The following FANCL variants were observed in gnomAD, a reference collection of about 807,000 sequenced individuals.
FANCL encodes the protein FA complementation group L.
In FANCL, 69 loss-of-function variants were observed where a neutral mutation model predicts 59.4. The observed-to-expected ratio is 1.16, with a 90% confidence interval of 0.96 to 1.42. The LOEUF is 1.42. Among genes scored for constraint, FANCL ranks in the 40% most tolerant of loss-of-function variants. The probability of loss-of-function intolerance (pLI) is 0.00; values close to 1 mark genes in which losing one functional copy is unlikely to be tolerated. For missense variants in FANCL, 519 were observed against 447.2 expected, an observed-to-expected ratio of 1.16 and a Z score of -1.45; for synonymous variants, 180 against 147.1, an observed-to-expected ratio of 1.22 and a Z score of -1.62.
chr2:58,193,033 G>GA (rs1689089397), intron 7 of FANCL, among the ~76,000 whole-genome samples: 1 of 151,716 alleles, frequency 6.6e-6, no homozygotes, highest in Non-Finnish European at 1.5e-5. Context: ...AAATACTTAA[G>GA]AAAAAATTCA....
At chr2:58,163,302 CAA>C (rs1490842317) in intron 9 of FANCL, 130 bp downstream of exon 9, 9 of 776,540 alleles carry the variant, frequency 1.2e-5, no homozygotes, top group Admixed American at 2.3e-5. Flanking sequence ...TACTGGGCAA[CAA>C]GAGCAAAACT....
intron 6 of FANCL, among the ~76,000 whole-genome samples, chr2:58,201,765 T>A (rs1690045220): frequency 6.6e-6 from 1 of 152,038 alleles, no homozygotes; most frequent in Non-Finnish European, 1.5e-5. Flanking sequence ...TTACTTTTAA[T>A]AAAGGACATC....
chr2:58,241,351 C>T, upstream of FANCL: 1 of 1,594,338 alleles, frequency 6.3e-7, no homozygotes, highest in Non-Finnish European at 8.6e-7. Flanking sequence ...AGCTCTAGAC[C>T]TGCTGGGTCC....
intron 5 of FANCL, among the ~76,000 whole-genome samples, chr2:58,204,604 A>ACAGTATGAGACTTTAATG (rs1690395657): frequency 6.6e-6 from 1 of 152,116 alleles, no homozygotes; most frequent in Admixed American, 6.6e-5. Flanking sequence ...GTAGTTTCAT[A>ACAGTATGAGACTTTAATG]CAGTATGAGA....
At chr2:58,184,737 T>C (rs527658440) in intron 7 of FANCL, among the ~76,000 whole-genome samples, 1 of 152,188 alleles carries the variant, frequency 6.6e-6, no homozygotes, top group Admixed American at 6.6e-5. Context: ...ATCAAGTTAA[T>C]GCAGAAGCCT....
Position 58,161,050 on chromosome 2 carries a change from G to C in FANCL, c.1020+472C>G, listed in dbSNP as rs545803153. Reference sequence around the variant, plus strand: ...TGCTGTGAGACTCAGATCACAAAAGGCATTCTTCTCAACATGAAAAGTAGT... The same window carrying C: ...TGCTGTGAGACTCAGATCACAAAAGCCATTCTTCTCAACATGAAAAGTAGT... On this transcript the variant is annotated intron_variant, in intron 12 of 13. Transcript: ENST00000233741. Among the ~76,000 whole-genome samples, 9 of 151,908 alleles carry C rather than the reference G, an allele frequency of 5.9e-5. 1 individual carries two copies. The highest frequency in any genetic ancestry group is 4.6e-4 in the Admixed American group (7 of 15,240).
At chr2:58,183,587 C>T (rs1573614039) in intron 7 of FANCL, among the ~76,000 whole-genome samples, 1 of 152,004 alleles carries the variant, frequency 6.6e-6, no homozygotes, top group Non-Finnish European at 1.5e-5. Context: ...TTATTCTAAT[C>T]TTTCACTGGT....
intron 5 of FANCL, among the ~76,000 whole-genome samples, chr2:58,216,949 T>C (rs1691782299): frequency 1.3e-5 from 2 of 151,300 alleles, no homozygotes; most frequent in African/African-American, 4.9e-5. Context: ...TGTTATTTTA[T>C]TACAGCTTTT....
chr2:58,208,062 A>G (rs1409165119), intron 5 of FANCL, among the ~76,000 whole-genome samples: 1 of 152,114 alleles, frequency 6.6e-6, no homozygotes, highest in East Asian at 1.9e-4. Context: ...ATGTCACTAA[A>G]TTTTTTTTAA....
intron 4 of FANCL, among the ~76,000 whole-genome samples, chr2:58,224,385 T>C (rs1479621557): frequency 6.6e-6 from 1 of 151,894 alleles, no homozygotes; most frequent in Non-Finnish European, 1.5e-5. Flanking sequence ...GGTTATTACA[T>C]TAAGGCCTTT....
intron 7 of FANCL, among the ~76,000 whole-genome samples, chr2:58,173,854 G>C (rs977139645): frequency 3.9e-5 from 6 of 152,096 alleles, no homozygotes; most frequent in Non-Finnish European, 8.8e-5. Context: ...ATTGGATAAA[G>C]AGTCAAGACC....
intron 7 of FANCL, among the ~76,000 whole-genome samples, chr2:58,169,947 T>C (rs2104852233): frequency 6.6e-6 from 1 of 152,232 alleles, no homozygotes; most frequent in East Asian, 1.9e-4. Context: ...CTGAAAGTGA[T>C]GGGGAGAGTG....
At chr2:58,232,017 T>C (rs763317098) in intron 2 of FANCL, 37 bp downstream of exon 2, 1 of 1,593,166 alleles carries the variant, frequency 6.3e-7, no homozygotes, top group Non-Finnish European at 8.6e-7. Flanking sequence ...CCCACCAAAA[T>C]GCAAAAATGC....
chr2:58,171,443 C>A (rs565715795), intron 7 of FANCL, among the ~76,000 whole-genome samples: 3 of 152,052 alleles, frequency 2.0e-5, no homozygotes, highest in Admixed American at 1.3e-4. Flanking sequence ...AAAATTGACA[C>A]CCTAACATCA....
At chr2:58,183,518 C>T (rs968467508) in intron 7 of FANCL, among the ~76,000 whole-genome samples, 2 of 151,856 alleles carry the variant, frequency 1.3e-5, no homozygotes, top group South Asian at 4.1e-4. Context: ...TTTATCCATG[C>T]TCTTAATCCA....
chr2:58,218,618 C>CAAA (rs112229739), intron 5 of FANCL, among the ~76,000 whole-genome samples: 1 of 114,932 alleles, frequency 8.7e-6, no homozygotes, highest in East Asian at 2.5e-4. Context: ...CCTATAAAGG[C>CAAA]AAAAAAAAAA....
chr2:58,227,510 C>T (rs970615111), intron 3 of FANCL, among the ~76,000 whole-genome samples: 5 of 152,180 alleles, frequency 3.3e-5, no homozygotes, highest in Non-Finnish European at 7.3e-5. Flanking sequence ...CTCCTCCAAC[C>T]ACCCTGGTCG....
At chr2:58,184,520 G>C (rs1247966218) in intron 7 of FANCL, among the ~76,000 whole-genome samples, 4 of 151,954 alleles carry the variant, frequency 2.6e-5, no homozygotes, top group Non-Finnish European at 5.9e-5. Context: ...CCAGAACTTT[G>C]CAACTGTTAG....
chr2:58,203,600 T>C (rs1690272029), intron 6 of FANCL, among the ~76,000 whole-genome samples: 1 of 152,040 alleles, frequency 6.6e-6, no homozygotes, highest in Admixed American at 6.6e-5. Context: ...ATCACTATCC[T>C]ATAAGGGATC....
Sources: gnomAD v4.1 joint callset for allele counts (sites outside exome capture counted in the v4.1 genomes callset) on GRCh38, gnomAD v4.1.1 for gene constraint, MANE v1.5 for transcripts, NCBI Gene and HGNC (gene_info 2026-07-23, HGNC 2026-07-21) for gene names.